The following SH3BP1 variants were observed in gnomAD, a reference collection of about 807,000 sequenced individuals.
The protein encoded by SH3BP1 is SH3 domain-binding protein 1.
SH3BP1 carries 46 observed loss-of-function variants against 69.8 expected under a neutral mutation model. The ratio of observed to expected loss-of-function variants is 0.66; its 90% CI spans 0.52 to 0.84. The LOEUF (loss-of-function observed/expected upper bound fraction) is 0.84. Ranked by LOEUF, SH3BP1 falls within the 40% of genes least tolerant of loss-of-function variation. SH3BP1 has a pLI of 0.00. For missense variants in SH3BP1, 868 were observed against 930.9 expected (o/e 0.93, Z 0.88); for synonymous variants, 403 against 378.0 (o/e 1.07, Z -0.77).
chr22:37,655,313 C>T lies in SH3BP1; in HGVS notation c.1735C>T (p.Gln579Ter), dbSNP rs780124622. 5.1e-6 allele frequency: 8 copies of T among 1,559,050 alleles called. No homozygotes were observed. The highest frequency in any genetic ancestry group is 2.3e-5 in the South Asian group (2 of 86,596). Residue 579 changes from glutamine to a stop codon, truncating the protein, a stop_gained, in exon 18 of 18, where the codon CAG (glutamine) becomes TAG (stop). Coordinates refer to ENST00000649765, the MANE Select transcript of SH3BP1 (RefSeq NM_018957.6). LOFTEE classifies it low-confidence loss of function (END_TRUNC). ...AGCCCGGCCCACCATGCCGCCCCCC[C>T]AGGTCTCCGGCTCCCGCTCCTCCCC... ...APARPTMPPP[Q>*]VSGSRSSPPA...
At chr22:37,650,829 A>G in intron 16 of SH3BP1, 104 bp downstream of exon 16, 1 of 1,413,132 alleles carries the variant, frequency 7.1e-7, no homozygotes, top group Non-Finnish European at 9.5e-7. Flanking sequence ...AAATGTAATT[A>G]TTAGTGTTTT....
chr22:37,650,479 G>T, intron 15 of SH3BP1, 63 bp from the exon 16 acceptor site: 1 of 1,554,038 alleles, frequency 6.4e-7, no homozygotes, highest in South Asian at 1.2e-5. Flanking sequence ...AAACGGTCCC[G>T]GCCAGTGGAG....
At chr22:37,654,350 C>T (rs958024200) in intron 17 of SH3BP1, among the ~76,000 whole-genome samples, 6 of 152,042 alleles carry the variant, frequency 3.9e-5, no homozygotes, top group African/African-American at 1.4e-4. Flanking sequence ...GCGGGTGGAT[C>T]ACTTGAGGCC....
chr22:37,648,124 T>C (rs894400968), intron 13 of SH3BP1, among the ~76,000 whole-genome samples, 195 bp from the exon 14 acceptor site: 1 of 152,202 alleles, frequency 6.6e-6, no homozygotes, highest in Non-Finnish European at 1.5e-5. Flanking sequence ...CTCTACCCTG[T>C]AGGGTGGCTG....
intron 14 of SH3BP1, chr22:37,648,700 CTTTT>C (rs993648456): frequency 3.5e-3 from 550 of 157,592 alleles, no homozygotes; most frequent in East Asian, 9.5e-3. Flanking sequence ...AGATCGGGTT[CTTTT>C]TTTTTTTTTT....
rs189769565 is a variant in SH3BP1 at position 37,650,505 on chromosome 22, G to A, written c.1415-37G>A. The A allele has an allele frequency of 4.6e-4, 725 of 1,580,700 alleles. 3 individuals carry two copies. The African/African-American group carries it at 8.0e-3, about 17-fold the overall frequency. ...GCCAGTGGAGTGAGGAGCCTGGCGC[G>A]GTCTCTGAGAGCCGTCTCCGCTCCT... On this transcript the variant is annotated intron_variant, in intron 15 of 17. Transcript: ENST00000649765.
In SH3BP1 at chr22:37,650,148, C is replaced by A. The variant is rs771952043; in HGVS notation, c.1317-4C>A. ...TGCTGAGCAGATGCATCTCTTTGTC[C>A]CAGGGACCAGGCCCAGCTGGATGCA... On this transcript the variant is annotated splice_region_variant and splice_polypyrimidine_tract_variant and intron_variant, in intron 14 of 17. Coordinates refer to ENST00000649765, the MANE Select transcript of SH3BP1 (RefSeq NM_018957.6). 2 of 1,614,084 alleles carry A rather than the reference C, an allele frequency of 1.2e-6. No individual in the cohort carries two copies. The highest frequency in any genetic ancestry group is 2.2e-5 in the South Asian group (2 of 91,086).
Position 37,650,672 on chromosome 22 carries a change from G to C in SH3BP1, c.1545G>C (p.Pro515=), listed in dbSNP as rs139958398. The C allele has an allele frequency of 1.2e-6, 2 of 1,613,718 alleles. No homozygotes were observed. The highest frequency in any genetic ancestry group is 1.1e-5 in the South Asian group (1 of 91,054). The part of the protein sequence containing the change: ...PTPATTPAPA[P]APAPAPAPAL... ...CAGCCACCACCCCGGCTCCGGCTCC[G>C]GCTCCAGCTCCAGCTCCGGCCCCAG... Residue 515 remains proline, a synonymous_variant, in exon 16 of 18, where the codon CCG becomes CCC. Transcript: ENST00000649765.
rs1399402943 is a variant in SH3BP1 at position 37,655,875 on chromosome 22, G to T, written c.*191G>T. The T allele has an allele frequency of 6.5e-7, 1 of 1,536,958 alleles. No homozygotes were observed. The highest frequency in any genetic ancestry group is 1.4e-5 in the African/African-American group (1 of 73,148). On this transcript the variant is annotated 3_prime_UTR_variant, in exon 18 of 18. Coordinates refer to ENST00000649765, the MANE Select transcript of SH3BP1 (RefSeq NM_018957.6). ...TCCTCTATTTCCTGACCTTTTCCTC[G>T]TCCACCCTGGGCTTGGGGACCCCCC...
At chr22:37,641,043 G>T in intron 1 of SH3BP1, 83 bp from the exon 2 acceptor site, 1 of 951,710 alleles carries the variant, frequency 1.1e-6, no homozygotes, top group Non-Finnish European at 1.7e-6. Flanking sequence ...GTGCCCTGCT[G>T]CGGGGAAGGG....
In SH3BP1 at chr22:37,655,501, C is replaced by A; in HGVS notation, c.1923C>A (p.Ser641=). The A allele has an allele frequency of 6.4e-7, 1 of 1,565,704 alleles. No homozygotes were observed. The highest frequency in any genetic ancestry group is 8.7e-7 in the Non-Finnish European group (1 of 1,155,842). The stretch of plus-strand genomic sequence containing the variant: ...GCCAAAGCCGGCGTTCACCAGCCTC[C>A]CCCAGCCCGGCCTCCCCAGGTCCAG... The part of the protein sequence containing the change: ...ARRQSRRSPA[S]PSPASPGPAS... The change falls in exon 18 of 18, where the codon TCC becomes TCA. Residue 641 remains serine (S), a synonymous_variant. Coordinates refer to ENST00000649765, the MANE Select transcript of SH3BP1 (RefSeq NM_018957.6).
Position 37,650,237 on chromosome 22 carries a change from C to G in SH3BP1, c.1402C>G (p.Leu468Val). The G allele has an allele frequency of 6.2e-7, 1 of 1,609,586 alleles. No individual in the cohort carries two copies. The highest frequency in any genetic ancestry group is 1.1e-5 in the South Asian group (1 of 90,496). Reference sequence around the variant, plus strand: ...GGCGCTGATCCAGAGCGCAGACACCCTCTTCCCTGGAGGTGAAGCTCCTGC... The same window carrying G: ...GGCGCTGATCCAGAGCGCAGACACCGTCTTCCCTGGAGGTGAAGCTCCTGC... ...VEALIQSADT[L>V]FPGDINFNVS... is the part of the protein sequence containing the mutation. Residue 468 changes from leucine to valine, a missense_variant, in exon 15 of 18, where the codon CTC becomes GTC. By Grantham distance (32) the Leu-to-Val change is conservative (BLOSUM62 1). This residue lies in a region of SH3BP1 where 474 missense variants were observed against 462.3 expected (regional missense o/e 1.03). Transcript: ENST00000649765.
intron 3 of SH3BP1, chr22:37,641,842 C>T: frequency 4.2e-6 from 1 of 237,764 alleles, no homozygotes; most frequent in Non-Finnish European, 8.3e-6. Flanking sequence ...AATCAAGAGG[C>T]AGCGTTTATT....
Position 37,643,749 on chromosome 22 carries a change from G to A in SH3BP1, c.579G>A (p.Glu193=), listed in dbSNP as rs929010752. 3.7e-6 allele frequency: 6 copies of A among 1,613,842 alleles called. No homozygotes were observed. The highest frequency in any genetic ancestry group is 5.1e-6 in the Non-Finnish European group (6 of 1,180,020). ...CCAACAAGGTGGAGACGCTGAAGGA[G>A]GAGGAGGAGGAGCTGAAGAGGAAAG... ...TMANKVETLK[E]EEEELKRKVE... Residue 193 remains glutamate (E), a synonymous_variant, in exon 7 of 18, where the codon GAG becomes GAA. Coordinates refer to ENST00000649765, the MANE Select transcript of SH3BP1 (RefSeq NM_018957.6).
At chr22:37,652,084 G>T (rs1395715774) in intron 16 of SH3BP1, among the ~76,000 whole-genome samples, 2 of 152,078 alleles carry the variant, frequency 1.3e-5, no homozygotes, top group Non-Finnish European at 2.9e-5. Context: ...CCAGCACTTT[G>T]GGAGGCCGAG....
chr22:37,645,838 G>A (rs755571504), intron 10 of SH3BP1, among the ~76,000 whole-genome samples: 28 of 152,106 alleles, frequency 1.8e-4, no homozygotes, highest in Admixed American at 5.9e-4. Context: ...ACACTGGCTG[G>A]ATCTGCTGTG....
chr22:37,650,295 T>A, intron 15 of SH3BP1, 46 bp downstream of exon 15: 2 of 1,553,876 alleles, frequency 1.3e-6, no homozygotes, highest in Non-Finnish European at 1.7e-6. Context: ...GCCCTCCTTC[T>A]GCCCTGCTCC....
At position 37,643,040 on chromosome 22, in the gene SH3BP1, C is replaced by T. The variant is rs370681160; in HGVS notation, c.396+34C>T. 14 of 1,609,188 alleles carry T rather than the reference C, an allele frequency of 8.7e-6. No individual in the cohort carries two copies. The African/African-American group carries it at 1.7e-4, about 20-fold the overall frequency. ...GTGCCCTGCTTTCAGCCCCCAGCTTCCCCAGCTTCTGGCTCCCTCCTCCCC... is the reference window on the plus strand; with the variant it reads ...GTGCCCTGCTTTCAGCCCCCAGCTTTCCCAGCTTCTGGCTCCCTCCTCCCC... On this transcript the variant is annotated intron_variant, in intron 5 of 17. Coordinates refer to ENST00000649765, the MANE Select transcript of SH3BP1 (RefSeq NM_018957.6).
intron 1 of SH3BP1, 47 bp from the exon 2 acceptor site, chr22:37,641,079 A>G (rs1479693562): frequency 3.1e-6 from 4 of 1,308,250 alleles, no homozygotes; most frequent in Non-Finnish European, 2.1e-6. Flanking sequence ...TAACCCAGGC[A>G]GGCTCAGCAG....
Sources: allele counts gnomAD v4.1 joint callset (sites outside exome capture counted in the v4.1 genomes callset), GRCh38; gene constraint gnomAD v4.1.1; regional missense constraint gnomAD v4.1.1; transcripts MANE v1.5; gene names NCBI Gene and HGNC (gene_info 2026-07-23, HGNC 2026-07-21).